KCNH7: variants seen among roughly 807,000 people sequenced by gnomAD.
KCNH7 encodes the protein potassium voltage-gated channel subfamily H member 7, also known as voltage-gated inwardly rectifying potassium channel KCNH7.
A neutral mutation model predicts 120.8 loss-of-function variants in KCNH7; 49 were observed. That is an observed-to-expected ratio of 0.41 (90% CI 0.32 to 0.51). The LOEUF (loss-of-function observed/expected upper bound fraction) is 0.51. KCNH7 is among the 20% of genes least tolerant of loss of function. The pLI is 0.38. For missense variants in KCNH7, 1,097 were observed against 1,446.6 expected (o/e 0.76, Z 3.92); for synonymous variants, 547 against 516.1 (o/e 1.06, Z -0.81).
chr2:162,736,426 T>C (rs919030934), intron 2 of KCNH7, among the ~76,000 whole-genome samples: 1 of 152,214 alleles, frequency 6.6e-6, no homozygotes, highest in Admixed American at 6.5e-5. Flanking sequence ...TCAGATATGA[T>C]TTACATCAAA....
intron 2 of KCNH7, among the ~76,000 whole-genome samples, chr2:162,544,467 C>T (rs1692411733): frequency 6.6e-6 from 1 of 152,084 alleles, no homozygotes; most frequent in South Asian, 2.1e-4. Context: ...CCATTATCAT[C>T]CCCATTAGGC....
chr2:162,453,646 A>T (rs936858040), intron 6 of KCNH7, among the ~76,000 whole-genome samples: 2 of 152,208 alleles, frequency 1.3e-5, no homozygotes, highest in African/African-American at 4.8e-5. Flanking sequence ...TCTTTTAATA[A>T]TCGTCATTCT....
At chr2:162,748,144 G>A (rs547830537) in intron 2 of KCNH7, among the ~76,000 whole-genome samples, 4 of 152,118 alleles carry the variant, frequency 2.6e-5, no homozygotes, top group Non-Finnish European at 5.9e-5. Flanking sequence ...GAAGGGAAAG[G>A]CAAATACTCT....
chr2:162,554,717 C>T (rs1692798348), intron 2 of KCNH7, among the ~76,000 whole-genome samples: 1 of 152,142 alleles, frequency 6.6e-6, no homozygotes, highest in Non-Finnish European at 1.5e-5. Context: ...TGACTGTGCC[C>T]TCCTACCTCC....
chr2:162,788,333 A>G (rs975447236), intron 2 of KCNH7, among the ~76,000 whole-genome samples: 9 of 152,200 alleles, frequency 5.9e-5, no homozygotes, highest in African/African-American at 2.2e-4. Context: ...AAGAAGTTCA[A>G]TAAGCTACAA....
chr2:162,728,734 C>T (rs554069703), intron 2 of KCNH7, among the ~76,000 whole-genome samples: 4 of 152,204 alleles, frequency 2.6e-5, no homozygotes, highest in South Asian at 2.1e-4. Context: ...GCCAAGATTG[C>T]GCCATTGTAC....
chr2:162,693,332 A>C (rs540903217), intron 2 of KCNH7, among the ~76,000 whole-genome samples: 1 of 152,326 alleles, frequency 6.6e-6, no homozygotes, highest in Admixed American at 6.5e-5. Context: ...GGAAGATAAG[A>C]GGTTATAATG....
chr2:162,653,516 A>G (rs183307969), intron 2 of KCNH7, among the ~76,000 whole-genome samples: 110 of 152,314 alleles, frequency 7.2e-4, no homozygotes, highest in Admixed American at 1.2e-3. Context: ...AGGAGGTGAA[A>G]GATCTGTACA....
intron 2 of KCNH7, among the ~76,000 whole-genome samples, chr2:162,830,104 C>T (rs1390481263): frequency 3.3e-5 from 5 of 152,128 alleles, no homozygotes; most frequent in Non-Finnish European, 5.9e-5. Context: ...GACAGAAGTG[C>T]AGATAGTGGG....
chr2:162,759,762 G>C (rs1483459786), intron 2 of KCNH7, among the ~76,000 whole-genome samples: 3 of 151,840 alleles, frequency 2.0e-5, no homozygotes, highest in Non-Finnish European at 4.4e-5. Context: ...AATATCCAGA[G>C]AACAAAAGCT....
chr2:162,539,433 A>G lies in KCNH7; in HGVS notation c.308-2353T>C, dbSNP rs114815390. On this transcript the variant is annotated intron_variant, in intron 2 of 15. Transcript: ENST00000332142. The stretch of plus-strand genomic sequence containing the variant: ...AAAAAAACATAAAAAGTGTTTGAGA[A>G]ATCAAGAAATAAAATATGTGGGGAT... Among the ~76,000 whole-genome samples the G allele has an allele frequency of 3.2e-3, 486 of 152,224 alleles. 2 individuals are homozygous for G. The highest frequency in any genetic ancestry group is 0.011 in the African/African-American group (465 of 41,564).
intron 2 of KCNH7, among the ~76,000 whole-genome samples, chr2:162,657,879 TAAC>T (rs72398473): frequency 0.22 from 33,293 of 151,736 alleles, 5,649 homozygotes; most frequent in African/African-American, 0.47. Context: ...AGATAACAAA[TAAC>T]AAATTCTAGA....
intron 2 of KCNH7, among the ~76,000 whole-genome samples, chr2:162,614,294 T>G (rs1336333007): frequency 6.6e-6 from 1 of 152,070 alleles, no homozygotes; most frequent in Non-Finnish European, 1.5e-5. Context: ...CTCTTGGTGG[T>G]TGTACTTACT....
At chr2:162,605,264 T>C (rs566935696) in intron 2 of KCNH7, among the ~76,000 whole-genome samples, 12 of 152,284 alleles carry the variant, frequency 7.9e-5, no homozygotes, top group Admixed American at 2.6e-4. Flanking sequence ...GTTTTCCACA[T>C]ACCTAAATTA....
At chr2:162,657,856 T>G (rs1684819126) in intron 2 of KCNH7, among the ~76,000 whole-genome samples, 1 of 146,428 alleles carries the variant, frequency 6.8e-6, no homozygotes, top group Admixed American at 6.6e-5. Context: ...AGGCAAACTA[T>G]AAAACTCATA....
chr2:162,436,565 A>G (rs1228782779), intron 7 of KCNH7, among the ~76,000 whole-genome samples: 3 of 152,142 alleles, frequency 2.0e-5, no homozygotes, highest in Admixed American at 2.0e-4. Context: ...TAGGTTTCCT[A>G]AATAATGTCA....
chr2:162,691,005 CCA>C (rs1686083429), intron 2 of KCNH7, among the ~76,000 whole-genome samples: 1 of 152,108 alleles, frequency 6.6e-6, no homozygotes, highest in South Asian at 2.1e-4. Context: ...TGCTTCCTGG[CCA>C]CAGACTCTAC....
chr2:162,557,649 G>A (rs1182898692), intron 2 of KCNH7, among the ~76,000 whole-genome samples: 1 of 152,112 alleles, frequency 6.6e-6, no homozygotes, highest in Non-Finnish European at 1.5e-5. Context: ...ACAGGGAAAG[G>A]CTAAATTTAT....
chr2:162,620,095 T>C (rs1385888350), intron 2 of KCNH7, among the ~76,000 whole-genome samples: 2 of 150,628 alleles, frequency 1.3e-5, no homozygotes, highest in East Asian at 3.9e-4. Flanking sequence ...ATTCTCTCTA[T>C]AAAAAATCTA....
Sources: gnomAD v4.1 joint callset for allele counts (sites outside exome capture counted in the v4.1 genomes callset) on GRCh38, gnomAD v4.1.1 for gene constraint, MANE v1.5 for transcripts, NCBI Gene and HGNC (gene_info 2026-07-23, HGNC 2026-07-21) for gene names.